PMP22: variants seen among roughly 807,000 people sequenced by gnomAD.
PMP22 encodes the protein Charcot-Marie-Tooth neuropathy 1A (greatly reduced nerve conduction velocity, hereditary motor sensory neuropathy Ia).
A neutral mutation model predicts 18.9 loss-of-function variants in PMP22; 2 were observed. That is an observed-to-expected ratio of 0.11 (90% CI 0.04 to 0.33). The LOEUF (loss-of-function observed/expected upper bound fraction) is 0.33, where lower values mean the gene tolerates loss of function less well. Among genes scored for constraint, PMP22 ranks in the 10% least tolerant of loss-of-function variants. The pLI, the probability that PMP22 is intolerant of heterozygous loss-of-function variation, is 1.00. For missense variants in PMP22, 169 were observed against 202.2 expected (o/e 0.84, Z 1.00); for synonymous variants, 95 against 89.2 (o/e 1.07, Z -0.37).
At chr17:15,260,329 C>T (rs1909205644) in intron 2 of PMP22, 1 of 383,812 alleles carries the variant, frequency 2.6e-6, no homozygotes, top group Non-Finnish European at 4.9e-6. Context: ...TCTTCTTCAA[C>T]GAGGCTGCAT....
In PMP22 at chr17:15,230,732, G is replaced by C; in HGVS notation, c.*185C>G. 1 of 623,918 alleles carries C rather than the reference G, an allele frequency of 1.6e-6. No homozygotes were observed. 38.6% of individuals were successfully genotyped at this position (623,918 alleles called of 1,614,324 possible). A position where few individuals can be genotyped will look rare whatever the true frequency, so the allele number is the denominator to read the frequency against. On this transcript the variant is annotated 3_prime_UTR_variant, in exon 5 of 5. Transcript: ENST00000312280. ...TATATGTAAAAAGTGTTATAAATAG[G>C]TTTTATAAACCGGAGATATTATATA... is the stretch of plus-strand genomic sequence containing the variant.
In PMP22 at chr17:15,260,353, A is replaced by AG; in HGVS notation, c.78+296dup. The AG allele has an allele frequency of 8.8e-6, 4 of 453,762 alleles. No homozygotes were observed. In the South Asian group the frequency reaches 1.1e-4, roughly 12 times the overall value. 28.1% of individuals were successfully genotyped at this position (453,762 alleles called of 1,614,324 possible). ...ACGAGGCTGCATCAAGAAAAAAAAA[A>AG]GTTAAACAATCTTGTCAAATGAAGG... On this transcript the variant is annotated intron_variant, in intron 2 of 4. Transcript: ENST00000312280.
intron 4 of PMP22, among the ~76,000 whole-genome samples, chr17:15,231,297 T>G (rs909165788): frequency 6.6e-6 from 1 of 152,232 alleles, no homozygotes; most frequent in Admixed American, 6.5e-5. Flanking sequence ...CACCTAGGCC[T>G]TAATACCTGA....
At chr17:15,242,097 C>CA (rs150228447) in intron 3 of PMP22, among the ~76,000 whole-genome samples, 12 of 151,396 alleles carry the variant, frequency 7.9e-5, no homozygotes, top group Admixed American at 1.3e-4. Context: ...ACGAAAAATA[C>CA]AAAAAAATTG....
intron 1 of PMP22, among the ~76,000 whole-genome samples, chr17:15,262,136 G>T (rs905551981): frequency 6.6e-6 from 1 of 152,356 alleles, no homozygotes; most frequent in Admixed American, 6.5e-5. Flanking sequence ...GTGTGTCCCA[G>T]AGTCAACGCC....
Position 15,258,911 on chromosome 17 carries a change from G to A in PMP22, c.178+183C>T. On this transcript the variant is annotated intron_variant, in intron 3 of 4. Coordinates refer to ENST00000312280, the MANE Select transcript of PMP22 (RefSeq NM_000304.4). This position sits in a 1 kb window ranked among gnomAD's most constrained non-coding sequence, Gnocchi z 4.1. Reference sequence around the variant, plus strand: ...AATCACAATGATGCCCAGGATCTCAGCTTCCCCAGCGAGATCACCACCCCT... The same window carrying A: ...AATCACAATGATGCCCAGGATCTCAACTTCCCCAGCGAGATCACCACCCCT... 1 of 665,504 alleles carries A rather than the reference G, an allele frequency of 1.5e-6. No individual in the cohort carries two copies. Among genetic ancestry groups the A allele is most frequent in the South Asian group, 1.6e-5 (1 of 61,224 alleles). 41.2% of individuals were successfully genotyped at this position (665,504 alleles called of 1,614,324 possible). A position where few individuals can be genotyped will look rare whatever the true frequency, so the allele number is the denominator to read the frequency against.
intron 3 of PMP22, among the ~76,000 whole-genome samples, chr17:15,250,643 T>C (rs1294567647): frequency 6.6e-6 from 1 of 152,200 alleles, no homozygotes; most frequent in East Asian, 1.9e-4. Flanking sequence ...TAGAGTCATC[T>C]AGAATCATTC....
At chr17:15,234,086 T>C (rs1906587673) in intron 4 of PMP22, among the ~76,000 whole-genome samples, 1 of 152,088 alleles carries the variant, frequency 6.6e-6, no homozygotes, top group Non-Finnish European at 1.5e-5. Context: ...GGCCTTTGCA[T>C]AGCTGCACTG....
intron 3 of PMP22, among the ~76,000 whole-genome samples, chr17:15,239,835 A>G (rs1298063892): frequency 3.3e-5 from 5 of 152,224 alleles, no homozygotes; most frequent in Admixed American, 3.3e-4. Context: ...ACATATATAC[A>G]TACATCTATA....
chr17:15,264,881 A>G (rs73279068), intron 1 of PMP22, among the ~76,000 whole-genome samples: 3,400 of 152,246 alleles, frequency 0.022, 129 homozygotes, highest in African/African-American at 0.078. Context: ...CATGGGGGAA[A>G]AAGCATCTAG....
intron 1 of PMP22, among the ~76,000 whole-genome samples, chr17:15,263,504 C>T (rs934231739): frequency 1.3e-5 from 2 of 152,028 alleles, no homozygotes; most frequent in Non-Finnish European, 1.5e-5. Context: ...GCAGGCCAGC[C>T]TTGAGGCACG....
chr17:15,259,351 G>GCACCTTGTAAATGGAGAAGTTC (rs1217134540), intron 2 of PMP22, among the ~76,000 whole-genome samples, 158 bp from the exon 3 acceptor site: 1 of 152,184 alleles, frequency 6.6e-6, no homozygotes, highest in East Asian at 1.9e-4. Flanking sequence ...TGACTTAAAA[G>GCACCTTGTAAATGGAGAAGTTC]CACCTTGTAA....
intron 3 of PMP22, among the ~76,000 whole-genome samples, chr17:15,250,094 A>T (rs546628793): frequency 2.0e-5 from 3 of 152,130 alleles, no homozygotes; most frequent in South Asian, 2.1e-4. Flanking sequence ...TTTGTTTTGT[A>T]TTTTTAGTAG....
intron 4 of PMP22, among the ~76,000 whole-genome samples, chr17:15,234,078 C>T (rs1265102677): frequency 6.6e-6 from 1 of 152,052 alleles, no homozygotes; most frequent in African/African-American, 2.4e-5. Flanking sequence ...CATGAGGAGG[C>T]CTTTGCATAG....
chr17:15,264,229 G>GATA, intron 1 of PMP22, among the ~76,000 whole-genome samples: 1 of 96,240 alleles, frequency 1.0e-5, no homozygotes, highest in East Asian at 3.4e-4. Flanking sequence ...TAGGTAGGTA[G>GATA]GTAGATAGAT....
rs1597608203 is a variant in PMP22, at chr17:15,239,607, C to G, written c.183G>C (p.Trp61Cys). The G allele has an allele frequency of 6.2e-7, 1 of 1,613,894 alleles. No individual in the cohort carries two copies. ...HHCFSSSPNE[W>C]LQSVQATMIL... The stretch of plus-strand genomic sequence containing the variant: ...TCATGGTGGCCTGGACAGACTGCAG[C>G]CATTCTGGGGGAAAGAGACACTTGG... The change falls in exon 4 of 5, where the codon TGG (tryptophan) becomes TGC (cysteine). Residue 61 changes from tryptophan to cysteine, a missense_variant. Transcript: ENST00000312280.
rs75307301 is a variant in PMP22, at chr17:15,260,382, G to A, written c.78+268C>T. On this transcript the variant is annotated intron_variant, in intron 2 of 4. Transcript: ENST00000312280. ...AAACAATCTTGTCAAATGAAGGTCGGGGACCCTAGATCGGCTCTGAAGTTA... is the reference window on the plus strand; with the variant it reads ...AAACAATCTTGTCAAATGAAGGTCGAGGACCCTAGATCGGCTCTGAAGTTA... 1,657 of 539,288 alleles carry A rather than the reference G, an allele frequency of 3.1e-3. 21 individuals are homozygous for A. The highest frequency in any genetic ancestry group is 0.028 in the African/African-American group (1,496 of 52,778). 33.4% of individuals were successfully genotyped at this position (539,288 alleles called of 1,614,324 possible). A position where few individuals can be genotyped will look rare whatever the true frequency, so the allele number is the denominator to read the frequency against.
chr17:15,231,784 A>T (rs757125215), intron 4 of PMP22, among the ~76,000 whole-genome samples: 10 of 152,208 alleles, frequency 6.6e-5, no homozygotes, highest in Non-Finnish European at 1.5e-4. Flanking sequence ...CCAAGGTTGC[A>T]TTTGAAGCCC....
At chr17:15,235,884 A>T (rs1006707344) in intron 4 of PMP22, among the ~76,000 whole-genome samples, 1 of 151,900 alleles carries the variant, frequency 6.6e-6, no homozygotes, top group African/African-American at 2.4e-5. Flanking sequence ...TTTCCCAAGT[A>T]GCTGGGACTA....
Sources: allele counts gnomAD v4.1 joint callset (sites outside exome capture counted in the v4.1 genomes callset), GRCh38; gene constraint gnomAD v4.1.1; non-coding constraint Gnocchi (gnomAD v3.1); transcripts MANE v1.5; gene names NCBI Gene and HGNC (gene_info 2026-07-23, HGNC 2026-07-21).